NBPF26: variants seen among roughly 807,000 people sequenced by gnomAD.
NBPF26 encodes NBPF member 26.
Under a neutral mutation model 119.6 loss-of-function variants are expected in NBPF26, and 79 were observed. That is an observed-to-expected ratio of 0.66 (90% confidence interval 0.55 to 0.80). NBPF26 has a LOEUF of 0.80. NBPF26 is among the 30% of genes least tolerant of loss of function. The probability of loss-of-function intolerance (pLI) is 0.00; values close to 1 mark genes in which losing one functional copy is unlikely to be tolerated. For synonymous variants in NBPF26, 299 were observed against 457.7 expected, an observed-to-expected ratio of 0.65 and a Z score of 4.43; for missense variants, 800 against 1,198.2, an observed-to-expected ratio of 0.67 and a Z score of 4.91.
intron 10 of NBPF26, among the ~76,000 whole-genome samples, chr1:120,812,920 AAAATAATAAT>A (rs1473440051): frequency 2.0e-5 from 1 of 51,136 alleles, no homozygotes; most frequent in Non-Finnish European, 4.2e-5. Flanking sequence ...AAGACTGCTA[AAAATAATAAT>A]AATAATAATA....
chr1:120,807,005 C>T (rs1216537380), intron 5 of NBPF26, among the ~76,000 whole-genome samples: 3 of 129,092 alleles, frequency 2.3e-5, no homozygotes, highest in Non-Finnish European at 4.8e-5. Flanking sequence ...ATTAACACAA[C>T]TAATCTAAAT....
At chr1:120,808,401 G>C in intron 6 of NBPF26, 144 bp from the exon 7 acceptor site, 1 of 642,408 alleles carries the variant, frequency 1.6e-6, no homozygotes, top group Non-Finnish European at 2.6e-6. Context: ...TCTTTCTCTT[G>C]GCCACAGACA....
Position 120,804,811 on chromosome 1 carries a change from G to A in NBPF26, c.752-745G>A, listed in dbSNP as rs1651640250. Among the ~76,000 whole-genome samples the A allele has an allele frequency of 1.7e-5, 2 of 117,912 alleles. 1 individual carries two copies. The highest frequency in any genetic ancestry group is 9.7e-5 in the African/African-American group (2 of 20,540). 77.4% of individuals were successfully genotyped at this position (117,912 alleles called of 152,430 possible). ...GAAATCAATCTAACAATGGGATGCA[G>A]CAGCAAGAATACTGAGACAGGAAAG... is the stretch of plus-strand genomic sequence containing the variant. On this transcript the variant is annotated intron_variant, in intron 4 of 29. Transcript: ENST00000620612.
chr1:120,724,398 G>A lies in NBPF26; in HGVS notation c.73+148G>A, dbSNP rs1650791932. On this transcript the variant is annotated intron_variant, in intron 1 of 29. Coordinates refer to ENST00000620612, the Ensembl canonical transcript of NBPF26. ...CCACTCGCTGGGTTCCCAAGAGTTT[G>A]GACATCGCCGGGGGCCCCTCCCGTG... is the stretch of plus-strand genomic sequence containing the variant. The A allele has an allele frequency of 1.5e-6, 2 of 1,346,342 alleles. 1 individual carries two copies. Among genetic ancestry groups the A allele is most frequent in the Non-Finnish European group, 1.9e-6 (2 of 1,030,446 alleles). 83.4% of individuals were successfully genotyped at this position (1,346,342 alleles called of 1,614,324 possible).
At chr1:120,759,010 AT>A (rs1651105454) in intron 1 of NBPF26, among the ~76,000 whole-genome samples, 1 of 111,268 alleles carries the variant, frequency 9.0e-6, no homozygotes, top group Non-Finnish European at 1.7e-5. Flanking sequence ...TATTTTATTA[AT>A]TTTTTAGCCA....
intron 5 of NBPF26, among the ~76,000 whole-genome samples, chr1:120,806,486 G>A (rs1322545827): frequency 1.7e-5 from 2 of 120,610 alleles, no homozygotes; most frequent in East Asian, 2.0e-4. Flanking sequence ...ACCACTAATC[G>A]GGAGGCTGAG....
chr1:120,805,892 G>A lies in NBPF26; in HGVS notation c.961+127G>A. On this transcript the variant is annotated intron_variant, in intron 5 of 29. Transcript: ENST00000620612. ...TGTACTTCTAGGAAAACAGAAATGGGTATTTTAACATTTTGTTAAAGTTGG... is the reference window on the plus strand; with the variant it reads ...TGTACTTCTAGGAAAACAGAAATGGATATTTTAACATTTTGTTAAAGTTGG... 3 of 716,396 alleles carry A rather than the reference G, an allele frequency of 4.2e-6. 1 individual carries two copies. The highest frequency in any genetic ancestry group is 6.4e-6 in the Non-Finnish European group (3 of 466,748). The allele number at this position is 716,396 out of a possible 1,614,324, so 44.4% of individuals were successfully genotyped here.
chr1:120,840,693 T>C (rs1553273620), downstream of NBPF26: 855 of 1,309,632 alleles, frequency 6.5e-4, 167 homozygotes, highest in Non-Finnish European at 8.3e-4. Context: ...AGCCCAGACA[T>C]AGGATGGTTC....
rs1168359637 is a variant in NBPF26 at position 120,801,826 on chromosome 1, C to CA, written c.752-3705dup. On this transcript the variant is annotated intron_variant, in intron 4 of 29. Transcript: ENST00000620612. ...TGGGTGACAGAACAAGACCCTGTCTCAAAAAAAAAAAAAAAAAAAAAAAAA... is the reference window on the plus strand; with the variant it reads ...TGGGTGACAGAACAAGACCCTGTCTCAAAAAAAAAAAAAAAAAAAAAAAAAA... Among the ~76,000 whole-genome samples the CA allele has an allele frequency of 6.5e-3, 59 of 9,070 alleles. 5 individuals carry two copies. Among genetic ancestry groups the CA allele is most frequent in the South Asian group, 0.019 (3 of 156 alleles). 6.0% of individuals were successfully genotyped at this position (9,070 alleles called of 152,430 possible).
At position 120,807,999 on chromosome 1, in the gene NBPF26, T is replaced by A. The variant is rs1158799875; in HGVS notation, c.1064+290T>A. ...AGGAGTGGGAACCACCCAGCAGCAT[T>A]CAGTATAATCAAAATGGTGTGCCAT... On this transcript the variant is annotated intron_variant, in intron 6 of 29. Coordinates refer to ENST00000620612, the Ensembl canonical transcript of NBPF26. Among the ~76,000 whole-genome samples the A allele has an allele frequency of 2.0e-3, 243 of 122,322 alleles. 79 individuals are homozygous for A. Among genetic ancestry groups the A allele is most frequent in the African/African-American group, 9.5e-3 (239 of 25,202 alleles). 80.2% of individuals were successfully genotyped at this position (122,322 alleles called of 152,430 possible). A position where few individuals can be genotyped will look rare whatever the true frequency, so the allele number is the denominator to read the frequency against.
rs1553269628 is a variant in NBPF26, at chr1:120,805,424, C to G, written c.752-132C>G. 5.4e-6 allele frequency: 7 copies of G among 1,303,284 alleles called. 1 individual carries two copies. In the East Asian group the frequency reaches 1.2e-4, roughly 22 times the overall value. 80.7% of individuals were successfully genotyped at this position (1,303,284 alleles called of 1,614,324 possible). ...TTTTGTGGTGAAGGATCCTAAAGTGCTGTGGGGAGTGATCACATTTTTCAC... is the reference window on the plus strand; with the variant it reads ...TTTTGTGGTGAAGGATCCTAAAGTGGTGTGGGGAGTGATCACATTTTTCAC... On this transcript the variant is annotated intron_variant, in intron 4 of 29. Transcript: ENST00000620612.
At chr1:120,759,307 G>C (rs1331064069) in intron 1 of NBPF26, among the ~76,000 whole-genome samples, 1 of 34,418 alleles carries the variant, frequency 2.9e-5, no homozygotes, top group Admixed American at 2.5e-4. Flanking sequence ...GTAGAGGAGG[G>C]CCTGCACAAA....
chr1:120,801,447 A>C (rs1261574266), intron 4 of NBPF26, among the ~76,000 whole-genome samples: 1 of 103,528 alleles, frequency 9.7e-6, no homozygotes, highest in Non-Finnish European at 1.8e-5. Flanking sequence ...TGATATATGA[A>C]TTATACTATA....
rs1553269822 is a variant in NBPF26 at position 120,805,802 on chromosome 1, A to G, written c.961+37A>G. ...AGGCTCACCATCATGAAAGTGATGAATGATATCCTGTCTTCTCTCTGAGAC... is the reference window on the plus strand; with the variant it reads ...AGGCTCACCATCATGAAAGTGATGAGTGATATCCTGTCTTCTCTCTGAGAC... On this transcript the variant is annotated intron_variant, in intron 5 of 29. Coordinates refer to ENST00000620612, the Ensembl canonical transcript of NBPF26. 10 of 1,280,540 alleles carry G rather than the reference A, an allele frequency of 7.8e-6. 2 individuals carry two copies. The highest frequency in any genetic ancestry group is 2.5e-5 in the South Asian group (2 of 80,754). The allele number at this position is 1,280,540 out of a possible 1,614,324, so 79.3% of individuals were successfully genotyped here. A position where few individuals can be genotyped will look rare whatever the true frequency, so the allele number is the denominator to read the frequency against.
chr1:120,823,842 A>G, intron 17 of NBPF26, 132 bp from the exon 18 acceptor site: 2 of 564,922 alleles, frequency 3.5e-6, no homozygotes, highest in East Asian at 2.8e-5. Flanking sequence ...AAAGGCAATA[A>G]TCTGTTACCT....
chr1:120,760,641 G>A (rs1448757578), intron 1 of NBPF26, among the ~76,000 whole-genome samples: 5 of 87,622 alleles, frequency 5.7e-5, no homozygotes, highest in African/African-American at 3.0e-4. Context: ...TTTGAGGAAC[G>A]TCTGCACTGT....
At position 120,768,003 on chromosome 1, in the gene NBPF26, G is replaced by A. The variant is rs1651212090; in HGVS notation, c.155+4294G>A. On this transcript the variant is annotated intron_variant, in intron 2 of 29. Transcript: ENST00000620612. The stretch of plus-strand genomic sequence containing the variant: ...TATGACTTCCCTTTACTTTACACAT[G>A]TATGGTAGTTTTACATTACTTACTG... Among the ~76,000 whole-genome samples the A allele has an allele frequency of 1.8e-5, 2 of 113,846 alleles. 1 individual carries two copies. Among genetic ancestry groups the A allele is most frequent in the African/African-American group, 1.1e-4 (2 of 18,924 alleles). 74.7% of individuals were successfully genotyped at this position (113,846 alleles called of 152,430 possible).
rs1651592933 is a variant in NBPF26, at chr1:120,802,406, A to G, written c.752-3150A>G. Among the ~76,000 whole-genome samples, 2 of 126,300 alleles carry G rather than the reference A, an allele frequency of 1.6e-5. 1 individual carries two copies. Among genetic ancestry groups the G allele is most frequent in the South Asian group, 4.7e-4 (2 of 4,216 alleles). 82.9% of individuals were successfully genotyped at this position (126,300 alleles called of 152,430 possible). A position where few individuals can be genotyped will look rare whatever the true frequency, so the allele number is the denominator to read the frequency against. On this transcript the variant is annotated intron_variant, in intron 4 of 29. Coordinates refer to ENST00000620612, the Ensembl canonical transcript of NBPF26. ...CAAGAAGATTTTCAAGGCAGTCTCT[A>G]AAGCAGAGGAGAAACTGTTGAGTGA...
At position 120,784,948 on chromosome 1, in the gene NBPF26, C is replaced by A; in HGVS notation, c.156-26C>A. On this transcript the variant is annotated intron_variant, in intron 2 of 29. Transcript: ENST00000620612. ...GGACTTACAAGAAGTCAGGTGTTTT[C>A]ATGGACTCTTCTCTTTTCCATACAG... 2.3e-6 allele frequency: 3 copies of A among 1,321,514 alleles called. 1 individual carries two copies. The East Asian group carries it at 7.1e-5, about 31-fold the overall frequency. 81.9% of individuals were successfully genotyped at this position (1,321,514 alleles called of 1,614,324 possible). A position where few individuals can be genotyped will look rare whatever the true frequency, so the allele number is the denominator to read the frequency against.
Sources: gnomAD v4.1 joint callset for allele counts (sites outside exome capture counted in the v4.1 genomes callset) on GRCh38, gnomAD v4.1.1 for gene constraint, MANE v1.5 for transcripts, NCBI Gene and HGNC (gene_info 2026-07-23, HGNC 2026-07-21) for gene names.